The following AUTS2 variants were observed in gnomAD, a reference collection of about 807,000 sequenced individuals.
AUTS2 encodes the protein activator of transcription and developmental regulator AUTS2, also known as autism susceptibility gene 2 protein.
Under a neutral mutation model 112.4 loss-of-function variants are expected in AUTS2, and 17 were observed. That is an observed-to-expected ratio of 0.15 (90% CI 0.10 to 0.23). The LOEUF (loss-of-function observed/expected upper bound fraction) is 0.23. Ranked by LOEUF, AUTS2 falls within the 10% of genes least tolerant of loss-of-function variation. The pLI is 1.00. For synonymous variants in AUTS2, 751 were observed against 702.7 expected, an observed-to-expected ratio of 1.07 and a Z score of -1.09; for missense variants, 1,510 against 1,701.6, an observed-to-expected ratio of 0.89 and a Z score of 1.98.
At chr7:70,540,523 T>C (rs1800511004) in intron 5 of AUTS2, among the ~76,000 whole-genome samples, 1 of 152,168 alleles carries the variant, frequency 6.6e-6, no homozygotes, top group African/African-American at 2.4e-5. Flanking sequence ...TGAAAGTCCA[T>C]TGTGCCTGCT....
chr7:69,710,609 T>C (rs1480929679), intron 1 of AUTS2, among the ~76,000 whole-genome samples: 1 of 152,374 alleles, frequency 6.6e-6, no homozygotes, highest in Middle Eastern at 3.4e-3. Context: ...GATTATGTCC[T>C]ACTTGGTATA....
intron 1 of AUTS2, among the ~76,000 whole-genome samples, chr7:69,779,313 A>G (rs1411823662): frequency 1.3e-5 from 2 of 152,170 alleles, no homozygotes; most frequent in Admixed American, 1.3e-4. Context: ...TGGTTGAATG[A>G]ATTGGAAAGG....
rs1477925547 is a variant in AUTS2 at position 69,948,534 on chromosome 7, A to T, written c.522+49036A>T. On this transcript the variant is annotated intron_variant, in intron 2 of 18. Transcript: ENST00000342771. The stretch of plus-strand genomic sequence containing the variant: ...TTTAAAAGTTTCCCCACAAAACCTC[A>T]TTAATCATATAAATATTTTGACAAA... Among the ~76,000 whole-genome samples, 3 of 152,194 alleles carry T rather than the reference A, an allele frequency of 2.0e-5. No individual in the cohort carries two copies. In the East Asian group the frequency reaches 5.8e-4, roughly 29 times the overall value.
intron 5 of AUTS2, among the ~76,000 whole-genome samples, chr7:70,632,439 G>T (rs1177143426): frequency 6.6e-6 from 1 of 151,874 alleles, no homozygotes; most frequent in Non-Finnish European, 1.5e-5. Flanking sequence ...AATGGAGGGT[G>T]GACCCTGTGG....
chr7:70,094,127 A>G (rs1804064735), intron 2 of AUTS2, among the ~76,000 whole-genome samples: 1 of 152,202 alleles, frequency 6.6e-6, no homozygotes, highest in African/African-American at 2.4e-5. Flanking sequence ...CATTTTCCCT[A>G]TAATAACCAA....
At chr7:70,290,503 T>G in intron 4 of AUTS2, 1 of 1,540,868 alleles carries the variant, frequency 6.5e-7, no homozygotes, top group Non-Finnish European at 8.7e-7. Flanking sequence ...GCTTAAAGGA[T>G]TCTAGTTCCG....
chr7:69,749,511 C>T (rs977667202), intron 1 of AUTS2, among the ~76,000 whole-genome samples: 7 of 152,072 alleles, frequency 4.6e-5, no homozygotes, highest in African/African-American at 1.7e-4. Flanking sequence ...TTGCCTGTTG[C>T]TGGATCATGT....
intron 4 of AUTS2, among the ~76,000 whole-genome samples, chr7:70,209,261 C>G (rs547521185): frequency 2.6e-5 from 4 of 152,220 alleles, no homozygotes; most frequent in Non-Finnish European, 5.9e-5. Flanking sequence ...TTAGCTTGAG[C>G]AGCTGGATGG....
intron 5 of AUTS2, among the ~76,000 whole-genome samples, chr7:70,536,584 T>G (rs935986134): frequency 2.1e-5 from 3 of 145,386 alleles, no homozygotes; most frequent in Non-Finnish European, 4.5e-5. Context: ...TTTTTTTTTT[T>G]TTTTTTTTTT....
chr7:70,094,581 T>C (rs1362957101), intron 2 of AUTS2, among the ~76,000 whole-genome samples: 1 of 152,236 alleles, frequency 6.6e-6, no homozygotes, highest in Non-Finnish European at 1.5e-5. Context: ...TATCATAAGA[T>C]ACTGCTACAG....
At chr7:70,740,289 A>G (rs1377133450) in intron 6 of AUTS2, among the ~76,000 whole-genome samples, 2 of 152,292 alleles carry the variant, frequency 1.3e-5, no homozygotes, top group Admixed American at 1.3e-4. Context: ...CAATTGTGGG[A>G]CCTTACACGT....
chr7:69,844,349 A>G (rs990166485), intron 1 of AUTS2, among the ~76,000 whole-genome samples: 13 of 152,214 alleles, frequency 8.5e-5, no homozygotes, highest in Middle Eastern at 3.2e-3. Flanking sequence ...TGATAACCGA[A>G]TGAAATAAAT....
At chr7:69,665,030 T>G (rs558738039) in intron 1 of AUTS2, among the ~76,000 whole-genome samples, 1 of 152,342 alleles carries the variant, frequency 6.6e-6, no homozygotes, top group Admixed American at 6.5e-5. Context: ...AGGCTAACTT[T>G]GGTAAAACCA....
intron 1 of AUTS2, among the ~76,000 whole-genome samples, chr7:69,614,370 T>TCTTTCTTTCTTTTCTTTCTTTTC (rs1322536871): frequency 4.9e-4 from 14 of 28,556 alleles, no homozygotes; most frequent in South Asian, 1.1e-3. Flanking sequence ...CTTTCTTTTT[T>TCTTTCTTTCTTTTCTTTCTTTTC]TAAGAGATGG....
In AUTS2 at chr7:70,532,874, G is replaced by A. The variant is rs199670014; in HGVS notation, c.690+97093G>A. Reference sequence around the variant, plus strand: ...GTCTAAGTATTGAGGGTTCAACTCAGTAATTGATTCCATCCAAGTTTAAGA... The same window carrying A: ...GTCTAAGTATTGAGGGTTCAACTCAATAATTGATTCCATCCAAGTTTAAGA... On this transcript the variant is annotated intron_variant, in intron 5 of 18. Transcript: ENST00000342771. 2.0e-5 allele frequency among the ~76,000 whole-genome samples: 3 copies of A among 152,236 alleles called. No homozygotes were observed. In the East Asian group the frequency reaches 5.8e-4, roughly 29 times the overall value.
At chr7:69,666,112 G>T (rs1192834221) in intron 1 of AUTS2, among the ~76,000 whole-genome samples, 2 of 152,148 alleles carry the variant, frequency 1.3e-5, no homozygotes, top group Admixed American at 6.5e-5. Flanking sequence ...ATGCATATAT[G>T]TGTGTGTATA....
At chr7:70,441,411 G>A (rs1796118004) in intron 5 of AUTS2, among the ~76,000 whole-genome samples, 1 of 152,018 alleles carries the variant, frequency 6.6e-6, no homozygotes, top group Non-Finnish European at 1.5e-5. Context: ...TTAGAGACAG[G>A]GTCTCGCTCT....
chr7:70,582,343 T>C lies in AUTS2; in HGVS notation c.691-116226T>C, dbSNP rs530348113. 3.5e-3 allele frequency among the ~76,000 whole-genome samples: 528 copies of C among 152,340 alleles called. 1 individual carries two copies. The highest frequency in any genetic ancestry group is 5.1e-3 in the Non-Finnish European group (348 of 68,022). The stretch of plus-strand genomic sequence containing the variant: ...CCTTCCTTCCACGTCAAGCTGAGTA[T>C]ACAAAGCATCCCATATTTCAGGCTG... On this transcript the variant is annotated intron_variant, in intron 5 of 18. Coordinates refer to ENST00000342771, the MANE Select transcript of AUTS2 (RefSeq NM_015570.4).
At chr7:70,526,929 C>T (rs1286152813) in intron 5 of AUTS2, among the ~76,000 whole-genome samples, 1 of 152,236 alleles carries the variant, frequency 6.6e-6, no homozygotes, top group African/African-American at 2.4e-5. Flanking sequence ...AGGCTGCACT[C>T]ACTGAATGTT....
Sources: gnomAD v4.1 joint callset for allele counts (sites outside exome capture counted in the v4.1 genomes callset) on GRCh38, gnomAD v4.1.1 for gene constraint, MANE v1.5 for transcripts, NCBI Gene and HGNC (gene_info 2026-07-23, HGNC 2026-07-21) for gene names.